The following TASOR2 variants were observed in gnomAD, a reference collection of about 807,000 sequenced individuals.
The protein encoded by TASOR2 is transcription activation suppressor family member 2.
Under a neutral mutation model 199.5 loss-of-function variants are expected in TASOR2, and 84 were observed. The observed-to-expected ratio is 0.42, with a 90% confidence interval of 0.35 to 0.50. The LOEUF (loss-of-function observed/expected upper bound fraction) is 0.50. Ranked by LOEUF, TASOR2 falls within the 20% of genes least tolerant of loss-of-function variation. The pLI, the probability that TASOR2 is intolerant of heterozygous loss-of-function variation, is 0.02. For synonymous variants in TASOR2, 1,103 were observed against 1,046.6 expected (o/e 1.05, Z -1.04); for missense variants, 2,796 against 2,835.9 (o/e 0.99, Z 0.32).
Position 5,722,607 on chromosome 10 carries a change from A to G in TASOR2, c.147-1070A>G, listed in dbSNP as rs184860335. Among the ~76,000 whole-genome samples, 17 of 152,344 alleles carry G rather than the reference A, an allele frequency of 1.1e-4. No homozygotes were observed. The highest frequency in any genetic ancestry group is 4.1e-4 in the African/African-American group (17 of 41,584). Reference sequence around the variant, plus strand: ...GAGAGAATGACAAAGCAAACATGGTATACTGTTAATATTTGGGAAATCTGG... The same window carrying G: ...GAGAGAATGACAAAGCAAACATGGTGTACTGTTAATATTTGGGAAATCTGG... On this transcript the variant is annotated intron_variant, in intron 6 of 20. Transcript: ENST00000328090. This position sits in a 1 kb window ranked among gnomAD's most constrained non-coding sequence, Gnocchi z 4.0.
chr10:5,729,294 G>A (rs1834478752), intron 10 of TASOR2, among the ~76,000 whole-genome samples: 1 of 152,180 alleles, frequency 6.6e-6, no homozygotes, highest in African/African-American at 2.4e-5. Context: ...GTTGCAGTGA[G>A]ATGAGATCAC....
chr10:5,716,686 A>T (rs1564285516), intron 2 of TASOR2, among the ~76,000 whole-genome samples: 1 of 152,024 alleles, frequency 6.6e-6, no homozygotes, highest in South Asian at 2.1e-4. Context: ...AGGCCACGGC[A>T]GGTGTATCCC....
intron 11 of TASOR2, among the ~76,000 whole-genome samples, chr10:5,733,426 T>TG (rs1315846304): frequency 2.0e-5 from 3 of 152,136 alleles, no homozygotes; most frequent in Non-Finnish European, 4.4e-5. Flanking sequence ...GAGAATCTCT[T>TG]GAACCTGGGA....
chr10:5,695,392 A>C (rs1394018842), intron 1 of TASOR2, among the ~76,000 whole-genome samples: 1 of 152,236 alleles, frequency 6.6e-6, no homozygotes, highest in African/African-American at 2.4e-5. Context: ...ATTTGAGTAA[A>C]TGACTATTGA....
intron 1 of TASOR2, among the ~76,000 whole-genome samples, chr10:5,700,520 T>C (rs568503022): frequency 4.6e-5 from 7 of 152,182 alleles, no homozygotes; most frequent in African/African-American, 1.7e-4. Context: ...CTCTTTTCCA[T>C]AGTGGCTGTA....
At chr10:5,688,395 A>ATTTTTT (rs34362647) in intron 1 of TASOR2, among the ~76,000 whole-genome samples, 249 of 99,884 alleles carry the variant, frequency 2.5e-3, no homozygotes, top group African/African-American at 2.9e-3. Context: ...CTAATTTTTA[A>ATTTTTT]TTTTTTTTTT....
chr10:5,688,083 G>A (rs532984555), intron 1 of TASOR2, among the ~76,000 whole-genome samples: 2 of 152,290 alleles, frequency 1.3e-5, no homozygotes, highest in Non-Finnish European at 1.5e-5. Context: ...GTGTTGCCAT[G>A]TATTATTTTG....
In TASOR2 at chr10:5,698,006, A is replaced by G. The variant is rs902620293; in HGVS notation, c.-288+12831A>G. 9.8e-5 allele frequency among the ~76,000 whole-genome samples: 15 copies of G among 152,320 alleles called. No homozygotes were observed. Among genetic ancestry groups the G allele is most frequent in the African/African-American group, 2.4e-4 (10 of 41,562 alleles). On this transcript the variant is annotated intron_variant, in intron 1 of 20. Coordinates refer to ENST00000328090, the Ensembl canonical transcript of TASOR2. The surrounding 1 kb of genome is among the most constrained non-coding windows in gnomAD (Gnocchi z 4.4). ...TTTAATTTATTCCCAAGGTTGTGCA[A>G]TGATCACCACTACCAATTGCATTAT...
chr10:5,708,206 T>G (rs528116744), intron 1 of TASOR2, among the ~76,000 whole-genome samples: 1 of 152,124 alleles, frequency 6.6e-6, no homozygotes, highest in Non-Finnish European at 1.5e-5. Context: ...TCTCCCTTCT[T>G]CCCTTAATCA....
exon 15 of TASOR2, chr10:5,749,735 G>A (rs748670160): frequency 9.9e-6 from 16 of 1,614,100 alleles, no homozygotes; most frequent in South Asian, 5.5e-5. Flanking sequence ...AAGGAATCTC[G>A]GAATGATATT....
intron 1 of TASOR2, among the ~76,000 whole-genome samples, chr10:5,692,591 C>T (rs1443974262): frequency 1.3e-5 from 2 of 152,040 alleles, no homozygotes; most frequent in Admixed American, 6.5e-5. Context: ...TGTGGAGTCC[C>T]TACCCGCTAC....
chr10:5,695,101 T>C (rs1008522622), intron 1 of TASOR2, among the ~76,000 whole-genome samples: 2 of 152,234 alleles, frequency 1.3e-5, no homozygotes, highest in African/African-American at 4.8e-5. Context: ...AAGTTTCATT[T>C]CTTTTTCTGA....
intron 2 of TASOR2, among the ~76,000 whole-genome samples, chr10:5,716,662 C>G (rs767660011): frequency 2.0e-5 from 3 of 151,992 alleles, no homozygotes; most frequent in Non-Finnish European, 4.4e-5. Context: ...TGCCTGTAAT[C>G]GTAGCTCTTT....
In TASOR2 at chr10:5,735,175, T is replaced by G. The variant is rs1835398659; in HGVS notation, c.1205-129T>G. 3.7e-6 allele frequency: 4 copies of G among 1,074,166 alleles called. No homozygotes were observed. In the East Asian group the frequency reaches 9.7e-5, roughly 26 times the overall value. 66.5% of individuals were successfully genotyped at this position (1,074,166 alleles called of 1,614,324 possible). A position where few individuals can be genotyped will look rare whatever the true frequency, so the allele number is the denominator to read the frequency against. ...ATCTTTTAATTAAATACCTGAAACT[T>G]CATAGTTTATTCCCCATTACTAAAG... On this transcript the variant is annotated intron_variant, in intron 11 of 20. Transcript: ENST00000328090.
Position 5,740,137 on chromosome 10 carries a change from ATGC to A in TASOR2, c.1968_1970del (p.Ala657del). 1 of 1,614,176 alleles carries A rather than the reference ATGC, an allele frequency of 6.2e-7. No individual in the cohort carries two copies. Among genetic ancestry groups the A allele is most frequent in the Non-Finnish European group, 8.5e-7 (1 of 1,180,044 alleles). On this transcript the variant is annotated inframe_deletion, in exon 13 of 21. Transcript: ENST00000328090. The surrounding 1 kb of genome is among the most constrained non-coding windows in gnomAD (Gnocchi z 5.3). ...TCTTCTGTTTCTGTGGAACATTCAT[ATGC>A]CCTGCTCCTTACAGAACATTCAAAG... is the stretch of plus-strand genomic sequence containing the variant.
exon 21 of TASOR2, chr10:5,763,281 C>G (rs1020517891): frequency 6.0e-5 from 25 of 414,930 alleles, no homozygotes; most frequent in Non-Finnish European, 9.8e-5. Context: ...AAACAAGATG[C>G]CTTCTAAGCT....
Position 5,759,993 on chromosome 10 carries a change from T to C in TASOR2, c.6992+1001T>C, listed in dbSNP as rs139668858. Among the ~76,000 whole-genome samples, 165 of 152,360 alleles carry C rather than the reference T, an allele frequency of 1.1e-3. 1 individual carries two copies. Among genetic ancestry groups the C allele is most frequent in the African/African-American group, 3.3e-3 (136 of 41,584 alleles). ...CCACAGCACACCTATAAAATAAGCA[T>C]AAATCAATCTAGCACTTCTAGGGCT... On this transcript the variant is annotated intron_variant, in intron 18 of 20. Transcript: ENST00000328090.
At chr10:5,757,798 G>A (rs1839181580) in intron 17 of TASOR2, 125 bp downstream of exon 18, 2 of 972,494 alleles carry the variant, frequency 2.1e-6, no homozygotes, top group Non-Finnish European at 3.1e-6. Context: ...CCCTACTGAG[G>A]CATAATTTCT....
At chr10:5,715,643 G>T (rs11598394) in intron 2 of TASOR2, among the ~76,000 whole-genome samples, 39,523 of 89,212 alleles carry the variant, frequency 0.44, 5,874 homozygotes, top group Non-Finnish European at 0.5. Context: ...GGCAGTTTTG[G>T]TTTTTTTTTT....
Sources: allele counts gnomAD v4.1 joint callset (sites outside exome capture counted in the v4.1 genomes callset), GRCh38; gene constraint gnomAD v4.1.1; non-coding constraint Gnocchi (gnomAD v3.1); transcripts MANE v1.5; gene names NCBI Gene and HGNC (gene_info 2026-07-23, HGNC 2026-07-21).